TYW1: variants seen among roughly 807,000 people sequenced by gnomAD.
TYW1 encodes the protein S-adenosyl-L-methionine-dependent tRNA 4-demethylwyosine synthase TYW1.
A neutral mutation model predicts 96.2 loss-of-function variants in TYW1; 46 were observed. That is an observed-to-expected ratio of 0.48 (90% CI 0.38 to 0.61). The LOEUF is 0.61. Ranked by LOEUF, TYW1 falls within the 20% of genes least tolerant of loss-of-function variation. The probability of loss-of-function intolerance (pLI) is 0.00; values close to 1 mark genes in which losing one functional copy is unlikely to be tolerated. For missense variants in TYW1, 684 were observed against 909.6 expected, an observed-to-expected ratio of 0.75 and a Z score of 3.19; for synonymous variants, 274 against 323.0, an observed-to-expected ratio of 0.85 and a Z score of 1.63.
At chr7:66,999,634 G>C (rs1484964445) in intron 3 of TYW1, among the ~76,000 whole-genome samples, 1 of 152,176 alleles carries the variant, frequency 6.6e-6, no homozygotes, top group Non-Finnish European at 1.5e-5. Flanking sequence ...GATTACAGGC[G>C]TGAGCCACTG....
At chr7:67,103,997 G>T (rs1268549751) in intron 12 of TYW1, among the ~76,000 whole-genome samples, 2 of 152,114 alleles carry the variant, frequency 1.3e-5, no homozygotes, top group Non-Finnish European at 2.9e-5. Context: ...GGGTGGTTGG[G>T]TGGCCTATTT....
At chr7:67,168,572 A>G (rs1799422350) in intron 13 of TYW1, among the ~76,000 whole-genome samples, 1 of 152,138 alleles carries the variant, frequency 6.6e-6, no homozygotes, top group Admixed American at 6.6e-5. Flanking sequence ...TGTACATTTC[A>G]TTTAAATTTT....
intron 10 of TYW1, among the ~76,000 whole-genome samples, chr7:67,081,888 C>G (rs1033286925): frequency 4.8e-5 from 7 of 145,156 alleles, no homozygotes; most frequent in African/African-American, 1.8e-4. Context: ...GTTTGTTCTC[C>G]TTGATCTAGT....
At chr7:67,082,515 G>A (rs1010569784) in intron 10 of TYW1, among the ~76,000 whole-genome samples, 6 of 152,150 alleles carry the variant, frequency 3.9e-5, no homozygotes, top group Non-Finnish European at 8.8e-5. Flanking sequence ...AGACCCTAGG[G>A]GAGCTTGTGC....
At chr7:67,159,478 TA>T (rs1296848600) in intron 13 of TYW1, among the ~76,000 whole-genome samples, 5 of 152,142 alleles carry the variant, frequency 3.3e-5, no homozygotes, top group Non-Finnish European at 7.3e-5. Flanking sequence ...AACAATAACA[TA>T]TATGTCTGAT....
intron 14 of TYW1, among the ~76,000 whole-genome samples, chr7:67,191,549 GGGGTGA>G (rs564020331): frequency 1.6e-5 from 2 of 123,172 alleles, no homozygotes; most frequent in African/African-American, 3.4e-5. Flanking sequence ...AATGGAGTTG[GGGGTGA>G]GGGTGAGGGT....
At chr7:67,040,138 G>T (rs1209618405) in intron 7 of TYW1, among the ~76,000 whole-genome samples, 2 of 151,452 alleles carry the variant, frequency 1.3e-5, no homozygotes, top group Non-Finnish European at 2.9e-5. Flanking sequence ...TGTATTTTTT[G>T]TAGAGATGGG....
chr7:67,174,508 A>G (rs1348900063), intron 13 of TYW1, among the ~76,000 whole-genome samples: 1 of 151,128 alleles, frequency 6.6e-6, no homozygotes, highest in Non-Finnish European at 1.5e-5. Flanking sequence ...AAAAGTTTTG[A>G]AGAAGACAAA....
At chr7:67,209,635 C>T (rs539437094) in intron 15 of TYW1, among the ~76,000 whole-genome samples, 5 of 152,088 alleles carry the variant, frequency 3.3e-5, no homozygotes, top group African/African-American at 9.7e-5. Context: ...TGCAGTGGCG[C>T]GATCTCAGCT....
At chr7:67,052,844 G>T (rs900498170) in intron 8 of TYW1, among the ~76,000 whole-genome samples, 7 of 152,068 alleles carry the variant, frequency 4.6e-5, no homozygotes, top group African/African-American at 1.7e-4. Flanking sequence ...CGATTCTCCT[G>T]CCTCAAGTGA....
intron 15 of TYW1, among the ~76,000 whole-genome samples, chr7:67,227,664 T>G (rs1444025924): frequency 3.9e-5 from 6 of 152,006 alleles, no homozygotes; most frequent in Non-Finnish European, 1.5e-5. Flanking sequence ...AGGTCAGACA[T>G]GTAGCAGTCA....
intron 7 of TYW1, among the ~76,000 whole-genome samples, chr7:67,037,309 C>G (rs965016516): frequency 6.6e-6 from 1 of 152,026 alleles, no homozygotes; most frequent in Non-Finnish European, 1.5e-5. Flanking sequence ...GGAGACCAGC[C>G]TGACCACCAT....
At chr7:67,065,579 T>A (rs1433982201) in intron 9 of TYW1, among the ~76,000 whole-genome samples, 24 of 152,022 alleles carry the variant, frequency 1.6e-4, no homozygotes, top group Non-Finnish European at 1.6e-4. Flanking sequence ...AAGAGGTTTG[T>A]AGGCACAGGT....
intron 12 of TYW1, among the ~76,000 whole-genome samples, chr7:67,105,759 AG>A (rs1369093754): frequency 6.6e-6 from 1 of 152,242 alleles, no homozygotes; most frequent in East Asian, 1.9e-4. Flanking sequence ...GTAAACTGAG[AG>A]GCCACATAGT....
Position 67,014,356 on chromosome 7 carries a change from T to G in TYW1, c.376-11T>G, listed in dbSNP as rs1436502079. The G allele has an allele frequency of 1.3e-6, 2 of 1,581,742 alleles. No individual in the cohort carries two copies. Among genetic ancestry groups the G allele is most frequent in the Non-Finnish European group, 1.7e-6 (2 of 1,164,010 alleles). On this transcript the variant is annotated splice_polypyrimidine_tract_variant and intron_variant, in intron 4 of 15. Coordinates refer to ENST00000359626, the MANE Select transcript of TYW1 (RefSeq NM_018264.4). ...TGTATGTTCCACTGAAACAATTACT[T>G]TCTTGGTTAGGTGACTAGTAAAAAT...
At chr7:67,155,031 T>C (rs1468507949) in intron 13 of TYW1, among the ~76,000 whole-genome samples, 5 of 152,232 alleles carry the variant, frequency 3.3e-5, no homozygotes, top group African/African-American at 1.2e-4. Context: ...GATTTGGTTC[T>C]ATTTTAGGAT....
intron 13 of TYW1, among the ~76,000 whole-genome samples, chr7:67,163,471 C>G (rs1273710637): frequency 6.6e-6 from 1 of 152,106 alleles, no homozygotes; most frequent in East Asian, 1.9e-4. Context: ...TTCCTGCACA[C>G]TAACCAAGTT....
At position 67,035,899 on chromosome 7, in the gene TYW1, G is replaced by A. The variant is rs535466614; in HGVS notation, c.984+10877G>A. Reference sequence around the variant, plus strand: ...TCACCGTGTTAGCCAGGATGGTCCCGATTTGCTGATCTTATGATCCGCCCA... The same window carrying A: ...TCACCGTGTTAGCCAGGATGGTCCCAATTTGCTGATCTTATGATCCGCCCA... On this transcript the variant is annotated intron_variant, in intron 7 of 15. Transcript: ENST00000359626. 1.3e-3 allele frequency among the ~76,000 whole-genome samples: 203 copies of A among 150,924 alleles called. 1 individual carries two copies. Among genetic ancestry groups the A allele is most frequent in the Middle Eastern group, 6.8e-3 (2 of 292 alleles).
At position 67,238,717 on chromosome 7, in the gene TYW1, A is replaced by G; in HGVS notation, c.*188A>G. ...TCAGAGGGCCTGGGCCACAGCCCCGATGTTTCTTTTCAGAACTCAGCCCCT... is the reference window on the plus strand; with the variant it reads ...TCAGAGGGCCTGGGCCACAGCCCCGGTGTTTCTTTTCAGAACTCAGCCCCT... On this transcript the variant is annotated 3_prime_UTR_variant, in exon 16 of 16. Transcript: ENST00000359626. The G allele has an allele frequency of 7.0e-7, 1 of 1,419,192 alleles. No homozygotes were observed. Among genetic ancestry groups the G allele is most frequent in the Admixed American group, 2.9e-5 (1 of 34,298 alleles). 87.9% of individuals were successfully genotyped at this position (1,419,192 alleles called of 1,614,324 possible).
Sources: gnomAD v4.1 joint callset for allele counts (sites outside exome capture counted in the v4.1 genomes callset) on GRCh38, gnomAD v4.1.1 for gene constraint, MANE v1.5 for transcripts, NCBI Gene and HGNC (gene_info 2026-07-23, HGNC 2026-07-21) for gene names.